The following ADCY2 variants were observed in gnomAD, a reference collection of about 807,000 sequenced individuals.
The protein encoded by ADCY2 is adenylate cyclase 2.
Under a neutral mutation model 125.2 loss-of-function variants are expected in ADCY2, and 31 were observed. That is an observed-to-expected ratio of 0.25 (90% CI 0.19 to 0.33). The LOEUF (loss-of-function observed/expected upper bound fraction) is 0.33, where lower values mean the gene tolerates loss of function less well. Among genes scored for constraint, ADCY2 ranks in the 10% least tolerant of loss-of-function variants. ADCY2 has a pLI of 1.00. For missense variants in ADCY2, 904 were observed against 1,418.2 expected, an observed-to-expected ratio of 0.64 and a Z score of 5.82; for synonymous variants, 512 against 548.4, an observed-to-expected ratio of 0.93 and a Z score of 0.93.
At chr5:7,756,828 T>C (rs770002903) in intron 15 of ADCY2, among the ~76,000 whole-genome samples, 1 of 152,218 alleles carries the variant, frequency 6.6e-6, no homozygotes, top group Non-Finnish European at 1.5e-5. Flanking sequence ...TTTTATATTA[T>C]GTGTTTCTAA....
chr5:7,532,610 G>A lies in ADCY2; in HGVS notation c.570+11711G>A, dbSNP rs980722282. ...TTAGGTTAATTAAGTGTTATACTGC[G>A]AAGGAAGTAGCCATTGGTTCTTATT... On this transcript the variant is annotated intron_variant, in intron 3 of 24. Transcript: ENST00000338316. Among the ~76,000 whole-genome samples, 14 of 152,248 alleles carry A rather than the reference G, an allele frequency of 9.2e-5. 1 individual carries two copies. The highest frequency in any genetic ancestry group is 4.1e-4 in the South Asian group (2 of 4,820).
intron 12 of ADCY2, among the ~76,000 whole-genome samples, chr5:7,721,670 T>C (rs1741766302): frequency 6.6e-6 from 1 of 152,216 alleles, no homozygotes. Context: ...TCCCCATTTC[T>C]TGTTTTTGTC....
intron 2 of ADCY2, among the ~76,000 whole-genome samples, chr5:7,485,709 A>G (rs1268912366): frequency 2.0e-5 from 3 of 152,226 alleles, no homozygotes; most frequent in Non-Finnish European, 2.9e-5. Context: ...AGCATTCTGC[A>G]GTAGAGAAGC....
intron 17 of ADCY2, among the ~76,000 whole-genome samples, chr5:7,770,050 C>G (rs550833025): frequency 3.9e-5 from 6 of 152,316 alleles, no homozygotes; most frequent in African/African-American, 1.4e-4. Flanking sequence ...CCCTGGATGG[C>G]TATTTGCAGG....
intron 2 of ADCY2, among the ~76,000 whole-genome samples, chr5:7,457,954 T>C (rs1244493462): frequency 1.3e-5 from 2 of 152,182 alleles, no homozygotes; most frequent in East Asian, 1.9e-4. Context: ...AGTACAAATA[T>C]GCCTTTTATT....
At chr5:7,805,379 C>A (rs1367839121) in intron 22 of ADCY2, among the ~76,000 whole-genome samples, 1 of 152,042 alleles carries the variant, frequency 6.6e-6, no homozygotes, top group Non-Finnish European at 1.5e-5. Context: ...ATGGAAATTT[C>A]ATTGAAAAGG....
At position 7,690,859 on chromosome 5, in the gene ADCY2, C is replaced by T. The variant is rs751799609; in HGVS notation, c.869+20C>T. 1.3e-6 allele frequency: 2 copies of T among 1,525,740 alleles called. No homozygotes were observed. Among genetic ancestry groups the T allele is most frequent in the South Asian group, 1.3e-5 (1 of 76,428 alleles). The allele number at this position is 1,525,740 out of a possible 1,614,324, so 94.5% of individuals were successfully genotyped here. ...CGTGAGGTACGACGCTATGCTTGCT[C>T]CTTGGCTGGTCTGGGAGTCTGCCTG... On this transcript the variant is annotated intron_variant, in intron 5 of 24. Transcript: ENST00000338316.
At chr5:7,693,169 C>T (rs1579322183) in intron 5 of ADCY2, among the ~76,000 whole-genome samples, 1 of 152,134 alleles carries the variant, frequency 6.6e-6, no homozygotes, top group African/African-American at 2.4e-5. Flanking sequence ...TCTCCCATGT[C>T]TGTCCACTTC....
At position 7,709,378 on chromosome 5, in the gene ADCY2, C is replaced by T; in HGVS notation, c.1569C>T (p.Ile523=). The T allele has an allele frequency of 1.2e-6, 2 of 1,600,622 alleles. No homozygotes were observed. Among genetic ancestry groups the T allele is most frequent in the Non-Finnish European group, 1.7e-6 (2 of 1,173,656 alleles). ...GCATGACCACAGAGAACGGCAAGATCAGCACCACGGTATGCCCTCCCCTGC... is the reference window on the plus strand; with the variant it reads ...GCATGACCACAGAGAACGGCAAGATTAGCACCACGGTATGCCCTCCCCTGC... The part of the protein sequence containing the change: ...RDSMTTENGK[I]STTDVPMGQH... The change falls in exon 10 of 25, where the codon ATC becomes ATT. Residue 523 remains isoleucine, a synonymous_variant. Coordinates refer to ENST00000338316, the MANE Select transcript of ADCY2 (RefSeq NM_020546.3). The surrounding 1 kb of genome is among the most constrained non-coding windows in gnomAD (Gnocchi z 4.4).
At chr5:7,570,633 AAAAAT>A (rs1240487978) in intron 3 of ADCY2, among the ~76,000 whole-genome samples, 9 of 151,262 alleles carry the variant, frequency 5.9e-5, no homozygotes, top group Non-Finnish European at 1.2e-4. Flanking sequence ...AAAAAAAAAA[AAAAAT>A]GCTTGTGTTT....
At chr5:7,493,733 G>A (rs1319046375) in intron 2 of ADCY2, among the ~76,000 whole-genome samples, 1 of 152,130 alleles carries the variant, frequency 6.6e-6, no homozygotes, top group Non-Finnish European at 1.5e-5. Flanking sequence ...GTGGAGCTGG[G>A]AGCTTCAGGA....
At chr5:7,522,152 A>G (rs1329367354) in intron 3 of ADCY2, among the ~76,000 whole-genome samples, 1 of 152,210 alleles carries the variant, frequency 6.6e-6, no homozygotes, top group Non-Finnish European at 1.5e-5. Flanking sequence ...TAATATTTAA[A>G]TGACAAATTA....
chr5:7,433,970 C>T (rs1337860302), intron 2 of ADCY2, among the ~76,000 whole-genome samples: 1 of 152,026 alleles, frequency 6.6e-6, no homozygotes, highest in Non-Finnish European at 1.5e-5. Flanking sequence ...GTTAATAATA[C>T]AAATTCTAGG....
chr5:7,773,078 C>A lies in ADCY2; in HGVS notation c.2361C>A (p.Asp787Glu). ...LLHTHAHVLG[D>E]YSQVLFERPG... ...ACACCCACGCCCACGTCCTGGGCGA[C>A]TACAGCCAGGTCTTATTTGAGAGGT... The change falls in exon 18 of 25, where the codon GAC (aspartate) becomes GAA (glutamate). Residue 787 changes from aspartate to glutamate, a missense_variant. Asp to Glu is a conservative substitution (Grantham distance 45, BLOSUM62 2). Around this residue, in one of 7 missense-constraint regions of ADCY2, gnomAD observed 221 missense variants for 246.2 expected, o/e 0.90. Transcript: ENST00000338316. 1 of 1,614,110 alleles carries A rather than the reference C, an allele frequency of 6.2e-7. No homozygotes were observed. Among genetic ancestry groups the A allele is most frequent in the Non-Finnish European group, 8.5e-7 (1 of 1,179,998 alleles).
At position 7,737,417 on chromosome 5, in the gene ADCY2, T is replaced by A. The variant is rs1402095247; in HGVS notation, c.1872-6251T>A. ...AAGGTAAGGTGTTGTCTGACAAGGA[T>A]CTGGAATTTTAGAAAAGGCAGGAGT... On this transcript the variant is annotated intron_variant, in intron 14 of 24. Transcript: ENST00000338316. Among the ~76,000 whole-genome samples, 22 of 152,080 alleles carry A rather than the reference T, an allele frequency of 1.4e-4. 1 individual carries two copies.
intron 2 of ADCY2, among the ~76,000 whole-genome samples, chr5:7,453,851 C>T (rs1227929268): frequency 1.3e-5 from 2 of 152,092 alleles, no homozygotes; most frequent in Non-Finnish European, 2.9e-5. Flanking sequence ...GCCATCTTCC[C>T]TTATCAGCTG....
chr5:7,550,940 A>C (rs1036859701), intron 3 of ADCY2, among the ~76,000 whole-genome samples: 2 of 152,128 alleles, frequency 1.3e-5, no homozygotes, highest in African/African-American at 4.8e-5. Context: ...TCATTTTAAA[A>C]TCAGCTTGAG....
At position 7,709,456 on chromosome 5, in the gene ADCY2, G is replaced by T; in HGVS notation, c.1578+69G>T. 1 of 1,452,560 alleles carries T rather than the reference G, an allele frequency of 6.9e-7. No individual in the cohort carries two copies. Among genetic ancestry groups the T allele is most frequent in the South Asian group, 1.5e-5 (1 of 68,040 alleles). 90.0% of individuals were successfully genotyped at this position (1,452,560 alleles called of 1,614,324 possible). On this transcript the variant is annotated intron_variant, in intron 10 of 24. Transcript: ENST00000338316. This position sits in a 1 kb window ranked among gnomAD's most constrained non-coding sequence, Gnocchi z 4.4. ...CTAACTTCCCAAAACCAAAGGCTGG[G>T]CATCTCCTGCCAAAATAACTCCTTT...
intron 1 of ADCY2, among the ~76,000 whole-genome samples, chr5:7,414,035 C>T (rs1739839517): frequency 1.3e-5 from 2 of 152,210 alleles, no homozygotes; most frequent in South Asian, 2.1e-4. Context: ...CGCTCCCTCA[C>T]GTTCCATATT....
Sources: gnomAD v4.1 joint callset for allele counts (sites outside exome capture counted in the v4.1 genomes callset) on GRCh38, gnomAD v4.1.1 for gene constraint, gnomAD v4.1.1 regional missense constraint, Gnocchi (gnomAD v3.1) non-coding constraint, MANE v1.5 for transcripts, NCBI Gene and HGNC (gene_info 2026-07-23, HGNC 2026-07-21) for gene names.